CEP126: variants seen among roughly 807,000 people sequenced by gnomAD.
CEP126 encodes centrosomal protein of 126 kDa.
In CEP126, 74 loss-of-function variants were observed where a neutral mutation model predicts 107.8. The observed-to-expected ratio is 0.69, with a 90% CI of 0.57 to 0.83. The LOEUF is 0.83. CEP126 is among the 40% of genes least tolerant of loss of function. CEP126 has a pLI of 0.00. For missense variants in CEP126, 1,237 were observed against 1,281.9 expected (o/e 0.96, Z 0.53); for synonymous variants, 449 against 446.0 (o/e 1.01, Z -0.08).
chr11:101,984,452 CAA>C, intron 8 of CEP126, among the ~76,000 whole-genome samples: 2 of 152,230 alleles, frequency 1.3e-5, no homozygotes, highest in Admixed American at 1.3e-4. Flanking sequence ...AAGTGGATAT[CAA>C]AGAGGTTATT....
intron 3 of CEP126, among the ~76,000 whole-genome samples, chr11:101,945,011 A>C (rs1466542161): frequency 6.6e-6 from 1 of 152,208 alleles, no homozygotes; most frequent in Non-Finnish European, 1.5e-5. Context: ...ACTGTGTTGT[A>C]CTTAGCCTTA....
At chr11:101,920,860 C>A (rs1940315667) in intron 1 of CEP126, among the ~76,000 whole-genome samples, 1 of 152,148 alleles carries the variant, frequency 6.6e-6, no homozygotes, top group Non-Finnish European at 1.5e-5. Context: ...CCCACCTTGG[C>A]CTCCCAAATT....
At chr11:101,941,304 C>A (rs2137093763) in intron 2 of CEP126, among the ~76,000 whole-genome samples, 1 of 152,242 alleles carries the variant, frequency 6.6e-6, no homozygotes, top group South Asian at 2.1e-4. Flanking sequence ...CCCCATGCTA[C>A]CCTCCCCACC....
rs114036823 is a variant in CEP126 at position 101,921,425 on chromosome 11, G to A, written c.129-1216G>A. Among the ~76,000 whole-genome samples, 430 of 152,160 alleles carry A rather than the reference G, an allele frequency of 2.8e-3. 2 individuals carry two copies. The highest frequency in any genetic ancestry group is 0.01 in the African/African-American group (418 of 41,518). ...AAGTACTCAAATATCTGTGTAATGA[G>A]GCCAAGCACGGTGGCTCACGCCTGT... is the stretch of plus-strand genomic sequence containing the variant. On this transcript the variant is annotated intron_variant, in intron 1 of 10. Coordinates refer to ENST00000263468, the MANE Select transcript of CEP126 (RefSeq NM_020802.4).
intron 6 of CEP126, among the ~76,000 whole-genome samples, chr11:101,966,346 A>G (rs1033768584): frequency 6.6e-6 from 1 of 152,162 alleles, no homozygotes; most frequent in East Asian, 1.9e-4. Flanking sequence ...TTCAGTGAGC[A>G]TTTGTGGGAT....
At chr11:101,985,308 A>C (rs1480864885) in intron 8 of CEP126, among the ~76,000 whole-genome samples, 1 of 149,780 alleles carries the variant, frequency 6.7e-6, no homozygotes, top group Non-Finnish European at 1.5e-5. Context: ...TTTTAAGCAG[A>C]GTCTCACTCT....
intron 7 of CEP126, among the ~76,000 whole-genome samples, chr11:101,978,774 A>T (rs1210406290): frequency 1.3e-5 from 2 of 152,210 alleles, no homozygotes. Flanking sequence ...AATTCAACAA[A>T]GCTACTTAAA....
In CEP126 at chr11:101,948,014, C is replaced by A; in HGVS notation, c.395-17C>A. The A allele has an allele frequency of 1.4e-6, 2 of 1,481,372 alleles. No homozygotes were observed. Among genetic ancestry groups the A allele is most frequent in the South Asian group, 1.2e-5 (1 of 86,366 alleles). The allele number at this position is 1,481,372 out of a possible 1,614,324, so 91.8% of individuals were successfully genotyped here. A position where few individuals can be genotyped will look rare whatever the true frequency, so the allele number is the denominator to read the frequency against. ...ATAAAGTGATTCTGTACTGTTCGGT[C>A]TTTATTATCTCTTTAGTTTCCCGAA... On this transcript the variant is annotated splice_polypyrimidine_tract_variant and intron_variant, in intron 3 of 10. Coordinates refer to ENST00000263468, the MANE Select transcript of CEP126 (RefSeq NM_020802.4).
At chr11:101,939,460 T>C (rs962719062) in intron 2 of CEP126, among the ~76,000 whole-genome samples, 1 of 152,190 alleles carries the variant, frequency 6.6e-6, no homozygotes, top group African/African-American at 2.4e-5. Context: ...TTTCTCAAGC[T>C]TTTCCATTCT....
rs781687966 is a variant in CEP126 at position 101,962,836 on chromosome 11, T to C, written c.1801T>C (p.Phe601Leu). ...KALIINQSFK[F>L]GNQKAAAIRD... The stretch of plus-strand genomic sequence containing the variant: ...ATTAATTATAAATCAGAGCTTTAAG[T>C]TTGGAAATCAAAAAGCAGCAGCTAT... Residue 601 changes from phenylalanine (F) to leucine (L), a missense_variant, in exon 6 of 11, where the codon TTT becomes CTT. Phe to Leu is a conservative substitution (Grantham distance 22). This residue lies in a region of CEP126 where 1,134 missense variants were observed against 1,150.5 expected (regional missense o/e 0.99). Transcript: ENST00000263468. The C allele has an allele frequency of 2.1e-5, 34 of 1,602,330 alleles. No individual in the cohort carries two copies. Among genetic ancestry groups the C allele is most frequent in the Non-Finnish European group, 2.8e-5 (33 of 1,177,058 alleles).
At chr11:101,965,391 C>T (rs1379431513) in intron 6 of CEP126, among the ~76,000 whole-genome samples, 1 of 152,070 alleles carries the variant, frequency 6.6e-6, no homozygotes, top group Non-Finnish European at 1.5e-5. Context: ...TCACAGTATC[C>T]CCAGATCCTA....
chr11:101,986,080 T>C (rs1481648760), intron 8 of CEP126, among the ~76,000 whole-genome samples: 3 of 150,780 alleles, frequency 2.0e-5, no homozygotes, highest in Non-Finnish European at 4.4e-5. Flanking sequence ...CCTCCTGGGT[T>C]CAAGTGATTC....
At chr11:101,943,977 C>T (rs555124094) in intron 2 of CEP126, among the ~76,000 whole-genome samples, 2 of 152,156 alleles carry the variant, frequency 1.3e-5, no homozygotes, top group African/African-American at 4.8e-5. Flanking sequence ...GCTTTTTCCA[C>T]AGCACAGTTT....
chr11:101,982,674 T>C (rs193290608), intron 8 of CEP126, among the ~76,000 whole-genome samples: 2 of 152,318 alleles, frequency 1.3e-5, no homozygotes, highest in East Asian at 3.9e-4. Flanking sequence ...ATATTGTATT[T>C]TCACATATAT....
chr11:101,922,367 G>A (rs193073777), intron 1 of CEP126, among the ~76,000 whole-genome samples: 55 of 151,936 alleles, frequency 3.6e-4, no homozygotes, highest in Non-Finnish European at 5.7e-4. Context: ...GTTTTGCCAC[G>A]TTGGCCAGCC....
At chr11:101,934,133 C>T (rs189786304) in intron 2 of CEP126, among the ~76,000 whole-genome samples, 509 of 152,166 alleles carry the variant, frequency 3.3e-3, no homozygotes, top group Non-Finnish European at 5.0e-3. Flanking sequence ...AAGCACATGC[C>T]ATCAAAATAT....
chr11:101,935,277 T>C (rs1940560549), intron 2 of CEP126, among the ~76,000 whole-genome samples: 1 of 152,034 alleles, frequency 6.6e-6, no homozygotes, highest in South Asian at 2.1e-4. Flanking sequence ...AGATTTATAT[T>C]GTAAGTATTT....
chr11:101,978,535 T>C, intron 7 of CEP126, 76 bp downstream of exon 7: 1 of 886,616 alleles, frequency 1.1e-6, no homozygotes, highest in Non-Finnish European at 1.8e-6. Flanking sequence ...TAAAGGACTA[T>C]GCTCTTGCTG....
intron 2 of CEP126, among the ~76,000 whole-genome samples, chr11:101,926,577 G>T (rs962580086): frequency 2.0e-5 from 3 of 152,140 alleles, no homozygotes; most frequent in Non-Finnish European, 4.4e-5. Context: ...AAACAGGCTG[G>T]AGGCAAAGAG....
Sources: gnomAD v4.1 joint callset for allele counts (sites outside exome capture counted in the v4.1 genomes callset) on GRCh38, gnomAD v4.1.1 for gene constraint, gnomAD v4.1.1 regional missense constraint, MANE v1.5 for transcripts, NCBI Gene and HGNC (gene_info 2026-07-23, HGNC 2026-07-21) for gene names.